The following SLC17A2 variants were observed in gnomAD, a reference collection of about 807,000 sequenced individuals.
SLC17A2 encodes the protein solute carrier family 17 member 2, also known as sodium-dependent phosphate transport protein 3.
A neutral mutation model predicts 52.1 loss-of-function variants in SLC17A2; 38 were observed. That is an observed-to-expected ratio of 0.73 (90% CI 0.56 to 0.96). The LOEUF (loss-of-function observed/expected upper bound fraction) is 0.96. Among genes scored for constraint, SLC17A2 ranks in the 40% least tolerant of loss-of-function variants. The pLI is 0.00. For missense variants in SLC17A2, 508 were observed against 583.9 expected, an observed-to-expected ratio of 0.87 and a Z score of 1.34; for synonymous variants, 226 against 211.9, an observed-to-expected ratio of 1.07 and a Z score of -0.58.
chr6:25,916,488 A>C (rs1766321781), intron 8 of SLC17A2, among the ~76,000 whole-genome samples, 197 bp downstream of exon 8: 1 of 152,172 alleles, frequency 6.6e-6, no homozygotes, highest in South Asian at 2.1e-4. Flanking sequence ...GTATTGTGCA[A>C]CCTGGGGCAA....
chr6:25,922,852 C>T (rs867477830), intron 3 of SLC17A2, among the ~76,000 whole-genome samples: 3 of 151,986 alleles, frequency 2.0e-5, no homozygotes, highest in African/African-American at 7.3e-5. Flanking sequence ...AAGGAAAACT[C>T]AAAGAATCAC....
chr6:25,915,361 A>G, intron 10 of SLC17A2, 138 bp downstream of exon 10: 2 of 777,714 alleles, frequency 2.6e-6, no homozygotes, highest in Non-Finnish European at 3.9e-6. Context: ...AAAAATGGCC[A>G]CAGACAGATA....
chr6:25,921,247 T>C lies in SLC17A2; in HGVS notation c.406A>G (p.Thr136Ala). 1 of 1,614,038 alleles carries C rather than the reference T, an allele frequency of 6.2e-7. No individual in the cohort carries two copies. The change falls in exon 4 of 12, where the codon ACA becomes GCA. Residue 136 changes from threonine to alanine, a missense_variant. By Grantham distance (58) the Thr-to-Ala change is moderately conservative. Transcript: ENST00000377850. ...ACTCCGAAGTCAGCAGCCAGTGGTG[T>C]AAAGAGGGTGAGAAGGGAAGAGATC... ...LLISSLLTLF[T>A]PLAADFGVIL...
At chr6:25,914,035 C>T (rs2071301) in intron 11 of SLC17A2, among the ~76,000 whole-genome samples, 2 of 152,080 alleles carry the variant, frequency 1.3e-5, no homozygotes, top group African/African-American at 2.4e-5. Flanking sequence ...AGTTGGTTCT[C>T]GTCAGTCCTT....
rs750272418 is a variant in SLC17A2 at position 25,915,516 on chromosome 6, G to C, written c.1194C>G (p.Thr398=). The C allele has an allele frequency of 1.1e-5, 17 of 1,555,038 alleles. No homozygotes were observed. The South Asian group carries it at 1.8e-4, about 16-fold the overall frequency. Residue 398 remains threonine (T), a synonymous_variant, in exon 10 of 12, where the codon ACC becomes ACG. Coordinates refer to ENST00000377850, the MANE Select transcript of SLC17A2 (RefSeq NM_001286123.3). ...NLCDSGFIIN[T]LDIAPRYASF... is the part of the protein sequence containing the mutation. Reference sequence around the variant, plus strand: ...GCTCTTACCTGGGGGCGATATCTAAGGTGTTGATGATAAACCCTGAGTCAC... The same window carrying C: ...GCTCTTACCTGGGGGCGATATCTAACGTGTTGATGATAAACCCTGAGTCAC...
intron 6 of SLC17A2, among the ~76,000 whole-genome samples, chr6:25,918,200 C>G (rs115384996): frequency 0.021 from 3,245 of 152,296 alleles, 92 homozygotes; most frequent in African/African-American, 0.063. Flanking sequence ...GGTAGAGATT[C>G]TGCAGAAGGT....
chr6:25,918,641 CA>C, intron 5 of SLC17A2, 68 bp from the exon 6 acceptor site: 1 of 996,842 alleles, frequency 1.0e-6, no homozygotes, highest in Non-Finnish European at 1.6e-6. Flanking sequence ...CCTCCCTAAA[CA>C]ATGTCCCAAC....
rs557483258 is a variant in SLC17A2 at position 25,916,121 on chromosome 6, C to T, written c.931-253G>A. Among the ~76,000 whole-genome samples, 9 of 152,274 alleles carry T rather than the reference C, an allele frequency of 5.9e-5. No individual in the cohort carries two copies. In the South Asian group the frequency reaches 1.7e-3, roughly 28 times the overall value. Reference sequence around the variant, plus strand: ...TTTGAAACGGAGTCTTACTCTGTCGCCCAGGCTGGAGTGCAGTGGCATGAT... The same window carrying T: ...TTTGAAACGGAGTCTTACTCTGTCGTCCAGGCTGGAGTGCAGTGGCATGAT... On this transcript the variant is annotated intron_variant, in intron 8 of 11. Coordinates refer to ENST00000377850, the MANE Select transcript of SLC17A2 (RefSeq NM_001286123.3).
At chr6:25,913,773 G>GTTT (rs1554137625) in intron 11 of SLC17A2, among the ~76,000 whole-genome samples, 77 of 67,480 alleles carry the variant, frequency 1.1e-3, no homozygotes, top group African/African-American at 1.4e-3. Context: ...TGTCTTCTCT[G>GTTT]TTTTTTTTTG....
At chr6:25,924,957 G>A (rs1300771715) in intron 2 of SLC17A2, among the ~76,000 whole-genome samples, 1 of 152,098 alleles carries the variant, frequency 6.6e-6, no homozygotes, top group Admixed American at 6.5e-5. Context: ...AATATTGAAA[G>A]GGTTCCCATG....
rs778548454 is a variant in SLC17A2, at chr6:25,923,738, G to T, written c.197C>A (p.Ala66Asp). 5 of 1,614,110 alleles carry T rather than the reference G, an allele frequency of 3.1e-6. No homozygotes were observed. Among genetic ancestry groups the T allele is most frequent in the Non-Finnish European group, 4.2e-6 (5 of 1,180,000 alleles). The change falls in exon 3 of 12, where the codon GCC becomes GAC. Residue 66 changes from alanine (A) to aspartate (D), a missense_variant. Ala to Asp is a moderately radical substitution (Grantham distance 126). Coordinates refer to ENST00000377850, the MANE Select transcript of SLC17A2 (RefSeq NM_001286123.3). ...GATGGATATGCTGGAGTTATTGAAGGCATCTGCAACAGGCCCCTCAGTGGA... is the reference window on the plus strand; with the variant it reads ...GATGGATATGCTGGAGTTATTGAAGTCATCTGCAACAGGCCCCTCAGTGGA... ...NASTEGPVAD[A>D]FNNSSISIKE...
At chr6:25,927,750 G>A (rs1001437905) in intron 1 of SLC17A2, among the ~76,000 whole-genome samples, 10 of 152,090 alleles carry the variant, frequency 6.6e-5, no homozygotes, top group African/African-American at 2.4e-4. Flanking sequence ...TTTGTACAAT[G>A]GACCCAAATG....
intron 8 of SLC17A2, 25 bp downstream of exon 8, chr6:25,916,660 G>C (rs76376636): frequency 1.9e-6 from 3 of 1,580,378 alleles, no homozygotes; most frequent in Non-Finnish European, 2.6e-6. Context: ...TATCATTTTC[G>C]TAGAAGTATA....
At chr6:25,915,942 G>C in intron 8 of SLC17A2, 74 bp from the exon 9 acceptor site, 1 of 1,418,798 alleles carries the variant, frequency 7.0e-7, no homozygotes, top group Non-Finnish European at 9.7e-7. Context: ...ACACAGACCA[G>C]CCATTAACTT....
In SLC17A2 at chr6:25,913,249, G is replaced by A; in HGVS notation, c.*68C>T. On this transcript the variant is annotated 3_prime_UTR_variant, in exon 12 of 12. Transcript: ENST00000377850. ...CTGCTGAGTCTATGGTCAGGAATAT[G>A]GAGAGAAGTAAAAAATGTTTAAAAA... is the stretch of plus-strand genomic sequence containing the variant. 1 of 1,547,412 alleles carries A rather than the reference G, an allele frequency of 6.5e-7. No homozygotes were observed. The highest frequency in any genetic ancestry group is 8.9e-7 in the Non-Finnish European group (1 of 1,119,842).
intron 10 of SLC17A2, among the ~76,000 whole-genome samples, chr6:25,915,167 A>ATC (rs1766257488): frequency 7.9e-6 from 1 of 126,726 alleles, no homozygotes; most frequent in Admixed American, 7.9e-5. Context: ...ATATATATAT[A>ATC]TATATATATA....
chr6:25,914,131 G>A (rs1766209676), intron 11 of SLC17A2, among the ~76,000 whole-genome samples: 1 of 152,206 alleles, frequency 6.6e-6, no homozygotes, highest in Admixed American at 6.5e-5. Context: ...ATGTCTCACA[G>A]CCGATCTGTT....
At chr6:25,927,018 A>G (rs1766790590) in intron 1 of SLC17A2, among the ~76,000 whole-genome samples, 1 of 152,254 alleles carries the variant, frequency 6.6e-6, no homozygotes, top group Non-Finnish European at 1.5e-5. Flanking sequence ...GTGAGCCAAG[A>G]TCGTGCCACT....
chr6:25,916,753 A>G lies in SLC17A2; in HGVS notation c.862T>C (p.Leu288=), dbSNP rs1299542159. The G allele has an allele frequency of 1.2e-6, 2 of 1,613,864 alleles. No homozygotes were observed. Among genetic ancestry groups the G allele is most frequent in the East Asian group, 2.2e-5 (1 of 44,878 alleles). ...IFLGFFSHFW[L]CTIILTYLPT... ...AGGTATGTTAGGATGATGGTGCACA[A>G]CCAGAAATGGCTGAAAAAACCCAGG... Residue 288 remains leucine, a synonymous_variant, in exon 8 of 12, where the codon TTG becomes CTG. Transcript: ENST00000377850.
Sources: allele counts gnomAD v4.1 joint callset (sites outside exome capture counted in the v4.1 genomes callset), GRCh38; gene constraint gnomAD v4.1.1; transcripts MANE v1.5; gene names NCBI Gene and HGNC (gene_info 2026-07-23, HGNC 2026-07-21).